Variants in SCFD2 observed in about 807,000 individuals in gnomAD.
The protein encoded by SCFD2 is sec1 family domain containing 2.
SCFD2 carries 54 observed loss-of-function variants against 58.9 expected under a neutral mutation model. That is an observed-to-expected ratio of 0.92 (90% confidence interval 0.74 to 1.15). The LOEUF (loss-of-function observed/expected upper bound fraction) is 1.15, where lower values mean the gene tolerates loss of function less well. SCFD2 is among the 50% of genes most tolerant of loss of function. SCFD2 has a pLI of 0.00. For synonymous variants in SCFD2, 321 were observed against 335.9 expected, an observed-to-expected ratio of 0.96 and a Z score of 0.49; for missense variants, 805 against 836.6, an observed-to-expected ratio of 0.96 and a Z score of 0.47.
chr4:53,035,812 A>G (rs1268257905), intron 5 of SCFD2, among the ~76,000 whole-genome samples: 3 of 152,184 alleles, frequency 2.0e-5, no homozygotes, highest in Admixed American at 1.3e-4. Context: ...CGATCATTAA[A>G]AAGTCAGGAA....
chr4:53,238,174 G>A (rs557997053), intron 4 of SCFD2, among the ~76,000 whole-genome samples: 17 of 139,476 alleles, frequency 1.2e-4, no homozygotes, highest in African/African-American at 2.4e-4. Context: ...CTGGCCGGGC[G>A]GGGGGCTGAC....
At chr4:53,356,724 T>A (rs912178090) in intron 1 of SCFD2, among the ~76,000 whole-genome samples, 7 of 150,264 alleles carry the variant, frequency 4.7e-5, no homozygotes, top group Non-Finnish European at 8.9e-5. Context: ...CACACCCAAC[T>A]TGTAGACTTT....
At chr4:53,206,690 A>C (rs765566782) in intron 4 of SCFD2, among the ~76,000 whole-genome samples, 9 of 152,164 alleles carry the variant, frequency 5.9e-5, no homozygotes, top group Non-Finnish European at 8.8e-5. Context: ...ATTCTGACTA[A>C]AATAATTTAA....
At chr4:53,145,068 A>C (rs1472168714) in intron 5 of SCFD2, among the ~76,000 whole-genome samples, 1 of 152,144 alleles carries the variant, frequency 6.6e-6, no homozygotes, top group African/African-American at 2.4e-5. Flanking sequence ...GCCCCTTATG[A>C]GACTCTAACT....
intron 5 of SCFD2, among the ~76,000 whole-genome samples, chr4:53,123,355 TAGGTTTTTAA>T (rs1463968280): frequency 6.6e-6 from 1 of 152,104 alleles, no homozygotes; most frequent in Admixed American, 6.5e-5. Context: ...ACTCCCAGGC[TAGGTTTTTAA>T]ATGTTTCCGG....
At chr4:53,028,543 C>T (rs1309913211) in intron 5 of SCFD2, among the ~76,000 whole-genome samples, 1 of 152,184 alleles carries the variant, frequency 6.6e-6, no homozygotes, top group South Asian at 2.1e-4. Flanking sequence ...CATATTATGG[C>T]TCAATGCTAC....
chr4:52,909,400 T>G (rs1024030962), intron 6 of SCFD2, among the ~76,000 whole-genome samples: 5 of 152,144 alleles, frequency 3.3e-5, no homozygotes, highest in African/African-American at 9.7e-5. Flanking sequence ...AGGTACAGAA[T>G]AGTGTGTGAA....
At chr4:52,986,934 G>A (rs962299605) in intron 5 of SCFD2, among the ~76,000 whole-genome samples, 2 of 152,206 alleles carry the variant, frequency 1.3e-5, no homozygotes, top group African/African-American at 4.8e-5. Flanking sequence ...TCTATAAAAT[G>A]GGAGTTTCAT....
intron 6 of SCFD2, among the ~76,000 whole-genome samples, chr4:52,915,603 C>G (rs1419590441): frequency 6.6e-6 from 1 of 152,154 alleles, no homozygotes; most frequent in Non-Finnish European, 1.5e-5. Flanking sequence ...ATCCATCCAT[C>G]CACCCACCCA....
chr4:53,223,324 T>A (rs1012421360), intron 4 of SCFD2, among the ~76,000 whole-genome samples: 2 of 152,212 alleles, frequency 1.3e-5, no homozygotes, highest in African/African-American at 4.8e-5. Flanking sequence ...TTGCTTTAAC[T>A]AGTGAAAAGT....
chr4:53,352,550 A>G (rs747025222), intron 2 of SCFD2, 48 bp downstream of exon 2: 4 of 1,477,562 alleles, frequency 2.7e-6, no homozygotes, highest in Non-Finnish European at 2.8e-6. Context: ...GGAGAAAAAG[A>G]AAGGGGAAGA....
At chr4:53,168,815 A>G (rs1243858190) in intron 4 of SCFD2, among the ~76,000 whole-genome samples, 1 of 152,192 alleles carries the variant, frequency 6.6e-6, no homozygotes, top group Non-Finnish European at 1.5e-5. Flanking sequence ...TACTATAGTC[A>G]CCACACTGTG....
chr4:53,164,845 T>C (rs369052577), intron 4 of SCFD2, among the ~76,000 whole-genome samples: 2 of 149,452 alleles, frequency 1.3e-5, no homozygotes, highest in African/African-American at 4.9e-5. Context: ...AGTGTAGTCA[T>C]TCCTTAGGAG....
chr4:53,191,151 G>A (rs556887110), intron 4 of SCFD2, among the ~76,000 whole-genome samples: 15 of 151,858 alleles, frequency 9.9e-5, no homozygotes, highest in East Asian at 3.9e-4. Context: ...AGTTCAAGAC[G>A]AGCCTGGCCA....
At position 53,361,852 on chromosome 4, in the gene SCFD2, G is replaced by A. The variant is rs535476018; in HGVS notation, c.838+3252C>T. 8.5e-5 allele frequency among the ~76,000 whole-genome samples: 13 copies of A among 152,100 alleles called. No individual in the cohort carries two copies. In the East Asian group the frequency reaches 9.6e-4, roughly 11 times the overall value. The stretch of plus-strand genomic sequence containing the variant: ...ACTAATGATATGATTCAAGAATCTC[G>A]GAAACATTTTCAATTAGAAAAAATA... On this transcript the variant is annotated intron_variant, in intron 1 of 8. Coordinates refer to ENST00000401642, the MANE Select transcript of SCFD2 (RefSeq NM_152540.4).
chr4:53,048,841 C>T (rs1723113375), intron 5 of SCFD2, among the ~76,000 whole-genome samples: 1 of 152,128 alleles, frequency 6.6e-6, no homozygotes, highest in Admixed American at 6.6e-5. Context: ...ACATCCTCTG[C>T]CTCCCCATTT....
chr4:53,078,208 C>T lies in SCFD2; in HGVS notation c.1561+67125G>A, dbSNP rs908633125. On this transcript the variant is annotated intron_variant, in intron 5 of 8. Transcript: ENST00000401642. ...CTGAGGCTCAGGGAAGTGAAGTACT[C>T]GCCTAGGATCAGAAAGCAGCAGACA... Among the ~76,000 whole-genome samples, 21 of 152,192 alleles carry T rather than the reference C, an allele frequency of 1.4e-4. 1 individual carries two copies. The highest frequency in any genetic ancestry group is 1.0e-3 in the Admixed American group (16 of 15,278).
chr4:53,267,956 G>GTA (rs979050114), intron 4 of SCFD2, among the ~76,000 whole-genome samples: 2 of 152,194 alleles, frequency 1.3e-5, no homozygotes, highest in Non-Finnish European at 2.9e-5. Context: ...GAAAATCTCT[G>GTA]TATAGTCTTG....
intron 5 of SCFD2, among the ~76,000 whole-genome samples, chr4:52,959,058 C>T (rs945163892): frequency 3.9e-5 from 6 of 152,184 alleles, no homozygotes; most frequent in African/African-American, 1.4e-4. Context: ...CAGAGTGCCT[C>T]ATGGTTCAGA....
Sources: gnomAD v4.1 joint callset for allele counts (sites outside exome capture counted in the v4.1 genomes callset) on GRCh38, gnomAD v4.1.1 for gene constraint, MANE v1.5 for transcripts, NCBI Gene and HGNC (gene_info 2026-07-23, HGNC 2026-07-21) for gene names.